Variants in VTI1A observed in about 807,000 individuals in gnomAD.
The protein encoded by VTI1A is vesicle transport through interaction with t-SNAREs 1A.
Under a neutral mutation model 34.9 loss-of-function variants are expected in VTI1A, and 22 were observed. The observed-to-expected ratio is 0.63, with a 90% CI of 0.45 to 0.90. The LOEUF (loss-of-function observed/expected upper bound fraction) is 0.90. VTI1A is among the 40% of genes least tolerant of loss of function. VTI1A has a pLI of 0.00. For missense variants in VTI1A, 268 were observed against 275.6 expected, an observed-to-expected ratio of 0.97 and a Z score of 0.20; for synonymous variants, 87 against 97.3, an observed-to-expected ratio of 0.89 and a Z score of 0.62.
intron 5 of VTI1A, among the ~76,000 whole-genome samples, chr10:112,648,614 C>T (rs1488966558): frequency 6.6e-6 from 1 of 152,146 alleles, no homozygotes; most frequent in Non-Finnish European, 1.5e-5. Flanking sequence ...TCAATTTATT[C>T]TGCCTTATTC....
intron 7 of VTI1A, among the ~76,000 whole-genome samples, chr10:112,776,136 C>T (rs1467098992): frequency 6.6e-6 from 1 of 152,152 alleles, no homozygotes; most frequent in Non-Finnish European, 1.5e-5. Flanking sequence ...TCAATAACAC[C>T]ATTGTTGCTG....
intron 7 of VTI1A, among the ~76,000 whole-genome samples, chr10:112,687,405 T>C (rs1848454823): frequency 1.3e-5 from 2 of 151,390 alleles, no homozygotes; most frequent in South Asian, 4.2e-4. Flanking sequence ...GGCTAATTTT[T>C]TGTATTTTTA....
intron 7 of VTI1A, among the ~76,000 whole-genome samples, chr10:112,770,158 A>C (rs1851764138): frequency 6.6e-6 from 1 of 151,264 alleles, no homozygotes; most frequent in South Asian, 2.1e-4. Context: ...GATCCAACCC[A>C]CTCGTATTAT....
intron 2 of VTI1A, among the ~76,000 whole-genome samples, chr10:112,461,385 A>T (rs1408271682): frequency 6.6e-6 from 1 of 152,202 alleles, no homozygotes; most frequent in Admixed American, 6.5e-5. Flanking sequence ...AGACCAGGCA[A>T]GACATGTAGC....
At chr10:112,642,972 C>CTTTT (rs1846630664) in intron 5 of VTI1A, among the ~76,000 whole-genome samples, 1 of 103,998 alleles carries the variant, frequency 9.6e-6, no homozygotes, top group African/African-American at 3.3e-5. Flanking sequence ...TCTTTTTTTT[C>CTTTT]TTTTCTTTTT....
chr10:112,853,428 A>T, the VTI1A span, among the ~76,000 whole-genome samples: 1 of 152,182 alleles, frequency 6.6e-6, no homozygotes, highest in Non-Finnish European at 1.5e-5. Context: ...CTGCATTTAT[A>T]TACTGGAGAT....
At chr10:112,781,485 G>A (rs1852126481) in intron 7 of VTI1A, among the ~76,000 whole-genome samples, 1 of 152,156 alleles carries the variant, frequency 6.6e-6, no homozygotes, top group Admixed American at 6.5e-5. Context: ...GTTTCTGCCT[G>A]AGGTGGGATT....
At chr10:112,473,004 C>G (rs1231515308) in intron 3 of VTI1A, among the ~76,000 whole-genome samples, 1 of 150,834 alleles carries the variant, frequency 6.6e-6, no homozygotes, top group Non-Finnish European at 1.5e-5. Context: ...ACCAGTAGCC[C>G]TATTTTTGAT....
upstream of VTI1A, chr10:112,447,021 G>C: frequency 1.1e-5 from 3 of 274,400 alleles, no homozygotes; most frequent in South Asian, 7.1e-5. Flanking sequence ...GTGTGGATCC[G>C]GAGCCGATTC....
intron 7 of VTI1A, among the ~76,000 whole-genome samples, chr10:112,743,357 T>C (rs1007872657): frequency 6.6e-6 from 1 of 152,184 alleles, no homozygotes; most frequent in African/African-American, 2.4e-5. Flanking sequence ...GCAGTAATCT[T>C]TTTATTTATT....
chr10:112,797,038 A>G (rs1852698607), intron 7 of VTI1A, among the ~76,000 whole-genome samples: 1 of 152,232 alleles, frequency 6.6e-6, no homozygotes, highest in Non-Finnish European at 1.5e-5. Context: ...GGCTGAATTT[A>G]TTGCACAAAA....
chr10:112,447,357 C>T lies in VTI1A; in HGVS notation c.-17C>T, dbSNP rs769625098. On this transcript the variant is annotated 5_prime_UTR_variant, in exon 1 of 8. Coordinates refer to ENST00000393077, the MANE Select transcript of VTI1A (RefSeq NM_145206.4). ...CTGACCTAGGCTTTGGCCTGGGCTA[C>T]TCGTTCCGGAGCCGCCATGTCGTCC... The T allele has an allele frequency of 9.9e-6, 16 of 1,611,426 alleles. No individual in the cohort carries two copies. The highest frequency in any genetic ancestry group is 1.3e-5 in the Non-Finnish European group (15 of 1,179,178).
At chr10:112,499,461 T>G (rs1849146973) in intron 3 of VTI1A, among the ~76,000 whole-genome samples, 1 of 152,194 alleles carries the variant, frequency 6.6e-6, no homozygotes, top group Admixed American at 6.5e-5. Flanking sequence ...TCTGGTTAAT[T>G]TTATGTATGC....
chr10:112,620,741 G>A (rs907478586), intron 5 of VTI1A, among the ~76,000 whole-genome samples: 5 of 150,052 alleles, frequency 3.3e-5, no homozygotes, highest in Non-Finnish European at 5.9e-5. Flanking sequence ...AGTGAACTGA[G>A]ATCATGCCAT....
rs1419230601 is a variant in VTI1A at position 112,767,379 on chromosome 10, G to T, written c.561-47911G>T. On this transcript the variant is annotated intron_variant, in intron 7 of 7. Coordinates refer to ENST00000393077, the MANE Select transcript of VTI1A (RefSeq NM_145206.4). This position sits in a 1 kb window ranked among gnomAD's most constrained non-coding sequence, Gnocchi z 4.0. Reference sequence around the variant, plus strand: ...ATACTCTTAATCATTTGTTTATTTTGCTTCCCCAAGTCCCTTCTTCACCTG... The same window carrying T: ...ATACTCTTAATCATTTGTTTATTTTTCTTCCCCAAGTCCCTTCTTCACCTG... 2.0e-5 allele frequency among the ~76,000 whole-genome samples: 3 copies of T among 152,118 alleles called. No individual in the cohort carries two copies. Among genetic ancestry groups the T allele is most frequent in the African/African-American group, 7.2e-5 (3 of 41,408 alleles).
Position 112,776,443 on chromosome 10 carries a change from G to A in VTI1A, c.561-38847G>A, listed in dbSNP as rs113608021. On this transcript the variant is annotated intron_variant, in intron 7 of 7. Coordinates refer to ENST00000393077, the MANE Select transcript of VTI1A (RefSeq NM_145206.4). ...CAGGCTCTGGGCCTTAGCACTAGGC[G>A]GTCTGTTCTGGTCTGTGTCCCGGAA... 4.6e-5 allele frequency among the ~76,000 whole-genome samples: 7 copies of A among 152,196 alleles called. No homozygotes were observed. The East Asian group carries it at 5.8e-4, about 13-fold the overall frequency.
chr10:112,748,799 T>A (rs982873832), intron 7 of VTI1A, among the ~76,000 whole-genome samples: 5 of 151,916 alleles, frequency 3.3e-5, no homozygotes, highest in African/African-American at 7.2e-5. Context: ...CTAATTTTTT[T>A]TTTTTATTTT....
At chr10:112,658,164 T>G (rs1488546244) in intron 5 of VTI1A, among the ~76,000 whole-genome samples, 1 of 152,168 alleles carries the variant, frequency 6.6e-6, no homozygotes, top group African/African-American at 2.4e-5. Context: ...CATAGCTCAC[T>G]GCAGCCTCAA....
At chr10:112,779,417 C>G (rs1436258285) in intron 7 of VTI1A, among the ~76,000 whole-genome samples, 2 of 152,180 alleles carry the variant, frequency 1.3e-5, no homozygotes, top group Non-Finnish European at 2.9e-5. Flanking sequence ...ACAGTGATTT[C>G]TTAAACTGTT....
Sources: allele counts gnomAD v4.1 joint callset (sites outside exome capture counted in the v4.1 genomes callset), GRCh38; gene constraint gnomAD v4.1.1; non-coding constraint Gnocchi (gnomAD v3.1); transcripts MANE v1.5; gene names NCBI Gene and HGNC (gene_info 2026-07-23, HGNC 2026-07-21).